SPATA13: variants seen among roughly 807,000 people sequenced by gnomAD.
The protein encoded by SPATA13 is spermatogenesis associated 13.
A neutral mutation model predicts 104.0 loss-of-function variants in SPATA13; 50 were observed. The ratio of observed to expected loss-of-function variants is 0.48; its 90% CI spans 0.38 to 0.61. The LOEUF is 0.61. Ranked by LOEUF, SPATA13 falls within the 20% of genes least tolerant of loss-of-function variation. The probability of loss-of-function intolerance (pLI) is 0.00; values close to 1 mark genes in which losing one functional copy is unlikely to be tolerated. For missense variants in SPATA13, 1,524 were observed against 1,690.6 expected (o/e 0.90, Z 1.73); for synonymous variants, 606 against 667.5 (o/e 0.91, Z 1.42).
chr13:24,016,185 A>G (rs2137692903), intron 2 of SPATA13, among the ~76,000 whole-genome samples: 1 of 152,126 alleles, frequency 6.6e-6, no homozygotes, highest in South Asian at 2.1e-4. Context: ...CTTGTCCTTC[A>G]ACCCCACTCC....
At chr13:24,052,160 G>A (rs1251974242) in intron 3 of SPATA13, among the ~76,000 whole-genome samples, 2 of 152,302 alleles carry the variant, frequency 1.3e-5, no homozygotes, top group South Asian at 2.1e-4. Flanking sequence ...GAGGAAGCAC[G>A]GTTCTCAAGA....
At chr13:24,023,178 G>T (rs1353773833) in intron 3 of SPATA13, among the ~76,000 whole-genome samples, 1 of 152,040 alleles carries the variant, frequency 6.6e-6, no homozygotes, top group Non-Finnish European at 1.5e-5. Flanking sequence ...AGAACATTCG[G>T]TGTTTGGTTT....
chr13:24,076,287 G>A (rs1879324243), intron 3 of SPATA13, among the ~76,000 whole-genome samples: 1 of 152,076 alleles, frequency 6.6e-6, no homozygotes, highest in Admixed American at 6.5e-5. Context: ...GGAAATGAGT[G>A]GTTTATCTTT....
chr13:24,204,567 C>A (rs1401563946), intron 1 of SPATA13, among the ~76,000 whole-genome samples: 1 of 152,192 alleles, frequency 6.6e-6, no homozygotes, highest in Admixed American at 6.5e-5. Context: ...ATCTCCCAAA[C>A]TGAATGTCCA....
At chr13:24,294,959 A>G (rs1339735662) in intron 10 of SPATA13, 91 bp downstream of exon 10, 6 of 1,339,592 alleles carry the variant, frequency 4.5e-6, no homozygotes, top group African/African-American at 4.3e-5. Context: ...CCTGTGGTCA[A>G]TATCTTATAT....
At chr13:24,167,561 G>C (rs1441444298) in intron 1 of SPATA13, among the ~76,000 whole-genome samples, 2 of 152,180 alleles carry the variant, frequency 1.3e-5, no homozygotes, top group Non-Finnish European at 2.9e-5. Flanking sequence ...CTAAAATCGT[G>C]AAGTACCAAT....
chr13:24,269,536 G>A (rs1039975373), intron 4 of SPATA13, among the ~76,000 whole-genome samples: 3 of 151,770 alleles, frequency 2.0e-5, no homozygotes, highest in Non-Finnish European at 2.9e-5. Context: ...GAGTAACTAG[G>A]ATGACAGGCA....
chr13:24,014,267 CAT>C (rs1876610727), intron 2 of SPATA13, among the ~76,000 whole-genome samples: 1 of 152,116 alleles, frequency 6.6e-6, no homozygotes, highest in Non-Finnish European at 1.5e-5. Context: ...GGACACAAGT[CAT>C]ATTGGATTAG....
intron 1 of SPATA13, among the ~76,000 whole-genome samples, chr13:24,190,486 A>G (rs1332066522): frequency 6.7e-6 from 1 of 149,966 alleles, no homozygotes; most frequent in East Asian, 1.9e-4. Flanking sequence ...TCTAGATGCC[A>G]TAAAGAACAG....
At chr13:24,076,229 G>T (rs532684569) in intron 3 of SPATA13, among the ~76,000 whole-genome samples, 2 of 152,118 alleles carry the variant, frequency 1.3e-5, no homozygotes, top group Non-Finnish European at 2.9e-5. Context: ...AACTGCCACA[G>T]GTGCAGTTCT....
chr13:24,168,086 C>T (rs368243464), intron 1 of SPATA13, among the ~76,000 whole-genome samples: 90 of 152,196 alleles, frequency 5.9e-4, no homozygotes, highest in African/African-American at 2.1e-3. Flanking sequence ...TTTTTCATGT[C>T]GACTTCATGA....
chr13:23,980,278 G>GC (rs1874820954), intron 1 of SPATA13, among the ~76,000 whole-genome samples: 1 of 152,364 alleles, frequency 6.6e-6, no homozygotes, highest in Non-Finnish European at 1.5e-5. Flanking sequence ...CACAAAGCCA[G>GC]CCTGGCGGTC....
intron 3 of SPATA13, among the ~76,000 whole-genome samples, chr13:24,089,832 C>G (rs929760754): frequency 6.6e-6 from 1 of 152,192 alleles, no homozygotes; most frequent in Non-Finnish European, 1.5e-5. Flanking sequence ...AGTCCAAGAT[C>G]AGAGCACCAG....
intron 3 of SPATA13, among the ~76,000 whole-genome samples, chr13:24,079,054 G>C (rs1879421917): frequency 6.6e-6 from 1 of 152,198 alleles, no homozygotes; most frequent in Non-Finnish European, 1.5e-5. Context: ...CAGAAAATTG[G>C]AGAGGGCTTC....
chr13:24,037,874 C>T (rs1232582882), intron 3 of SPATA13, among the ~76,000 whole-genome samples: 1 of 152,026 alleles, frequency 6.6e-6, no homozygotes, highest in African/African-American at 2.4e-5. Flanking sequence ...AGAAATTTTA[C>T]TCCTCCTTTC....
intron 3 of SPATA13, among the ~76,000 whole-genome samples, chr13:24,096,541 G>C (rs1164747160): frequency 6.6e-6 from 1 of 152,176 alleles, no homozygotes; most frequent in Non-Finnish European, 1.5e-5. Flanking sequence ...AGAGGTTGCA[G>C]TGAGCCAAGA....
intron 3 of SPATA13, among the ~76,000 whole-genome samples, chr13:24,102,006 G>T (rs1880271742): frequency 1.3e-5 from 2 of 152,162 alleles, no homozygotes; most frequent in Non-Finnish European, 2.9e-5. Flanking sequence ...CCAGAAGTAG[G>T]ATTGTTGGAT....
intron 3 of SPATA13, among the ~76,000 whole-genome samples, chr13:24,039,605 C>T (rs113103405): frequency 6.6e-5 from 10 of 152,026 alleles, no homozygotes; most frequent in Admixed American, 4.6e-4. Flanking sequence ...CTCGAGGGGT[C>T]GTTTCTTAGT....
In SPATA13 at chr13:24,232,157, G is replaced by A. The variant is rs141309165; in HGVS notation, c.1653+7575G>A. On this transcript the variant is annotated intron_variant, in intron 2 of 12. Transcript: ENST00000382108. ...CAGGAAGCCAGATGTGTAGTTCAGC[G>A]TGAGCCTGGAAGCCTGAGGACAAGG... Among the ~76,000 whole-genome samples the A allele has an allele frequency of 5.4e-4, 82 of 152,338 alleles. 1 individual carries two copies. The highest frequency in any genetic ancestry group is 1.8e-3 in the African/African-American group (74 of 41,588).
Sources: allele counts gnomAD v4.1 joint callset (sites outside exome capture counted in the v4.1 genomes callset), GRCh38; gene constraint gnomAD v4.1.1; transcripts MANE v1.5; gene names NCBI Gene and HGNC (gene_info 2026-07-23, HGNC 2026-07-21).